The following TLR6 variants were observed in gnomAD, a reference collection of about 807,000 sequenced individuals.
TLR6 encodes toll-like receptor 6.
Under a neutral mutation model 16.1 loss-of-function variants are expected in TLR6, and 9 were observed. The ratio of observed to expected loss-of-function variants is 0.56; its 90% CI spans 0.34 to 0.98. The LOEUF is 0.98. Among genes scored for constraint, TLR6 ranks in the 50% least tolerant of loss-of-function variants. The probability of loss-of-function intolerance (pLI) is 0.02; values close to 1 mark genes in which losing one functional copy is unlikely to be tolerated. For missense variants in TLR6, 786 were observed against 921.0 expected, an observed-to-expected ratio of 0.85 and a Z score of 1.90; for synonymous variants, 340 against 338.6, an observed-to-expected ratio of 1.00 and a Z score of -0.04.
chr4:38,846,706 T>A (rs559127961), intron 1 of TLR6, among the ~76,000 whole-genome samples: 1 of 151,942 alleles, frequency 6.6e-6, no homozygotes, highest in South Asian at 2.1e-4. Context: ...AAAATCTTAA[T>A]AGAAATCTCG....
rs568101523 is a variant in TLR6, at chr4:38,845,548, C to G, written c.-65+11213G>C. 6.4e-4 allele frequency among the ~76,000 whole-genome samples: 98 copies of G among 152,342 alleles called. 2 individuals carry two copies. In the South Asian group the frequency reaches 0.019, roughly 30 times the overall value. On this transcript the variant is annotated intron_variant, in intron 1 of 1. Coordinates refer to ENST00000436693, the Ensembl canonical transcript of TLR6. ...TGATATGAGAAGAACTTGGCCCATC[C>G]TTGCTGGCCCTGAAGATAAAGGAAG...
At chr4:38,832,850 G>A (rs1442812168) in intron 1 of TLR6, among the ~76,000 whole-genome samples, 1 of 152,192 alleles carries the variant, frequency 6.6e-6, no homozygotes, top group Non-Finnish European at 1.5e-5. Flanking sequence ...GGGAGTCAAA[G>A]TGTGCATTCC....
chr4:38,828,568 C>T (rs371809071), exon 2 of TLR6: 13 of 1,613,610 alleles, frequency 8.1e-6, no homozygotes, highest in South Asian at 2.2e-5. Flanking sequence ...CTTTCAATGT[C>T]GTTTTAGAAT....
At chr4:38,854,320 A>G (rs772315278) in intron 1 of TLR6, among the ~76,000 whole-genome samples, 3 of 152,234 alleles carry the variant, frequency 2.0e-5, no homozygotes, top group Non-Finnish European at 4.4e-5. Context: ...TGGACCAGCC[A>G]TTAGATGCTA....
chr4:38,828,940 TA>T lies in TLR6; in HGVS notation c.533del (p.Leu178Ter). The T allele has an allele frequency of 6.2e-7, 1 of 1,610,440 alleles. No individual in the cohort carries two copies. Among genetic ancestry groups the T allele is most frequent in the Non-Finnish European group, 8.5e-7 (1 of 1,178,732 alleles). On this transcript the variant is annotated frameshift_variant, in exon 2 of 2. Transcript: ENST00000436693. LOFTEE classifies it low-confidence loss of function (END_TRUNC). ...CATTTTCTTTTATATAATAATTTCTTAAATCCAGAAGGATATAACTTAGATG... is the reference window on the plus strand; with the variant it reads ...CATTTTCTTTTATATAATAATTTCTTAATCCAGAAGGATATAACTTAGATG...
chr4:38,837,518 C>T (rs1711990733), intron 1 of TLR6, among the ~76,000 whole-genome samples: 1 of 152,194 alleles, frequency 6.6e-6, no homozygotes, highest in South Asian at 2.1e-4. Context: ...TTCATATTCA[C>T]TCATATGTAT....
At chr4:38,836,396 C>G (rs1385184936) in intron 1 of TLR6, among the ~76,000 whole-genome samples, 2 of 152,114 alleles carry the variant, frequency 1.3e-5, no homozygotes, top group Admixed American at 1.3e-4. Flanking sequence ...GTATAAATTT[C>G]TGGATATATA....
At chr4:38,838,995 GGGAGAGAGAGAA>G (rs1188370978) in intron 1 of TLR6, among the ~76,000 whole-genome samples, 3 of 135,108 alleles carry the variant, frequency 2.2e-5, no homozygotes, top group Middle Eastern at 4.1e-3. Context: ...GGGAGAGAGG[GGGAGAGAGAGAA>G]GGAGAGAGAG....
rs780252429 is a variant in TLR6, at chr4:38,829,448, A to G, written c.26T>C (p.Val9Ala). Residue 9 changes from valine to alanine, a missense_variant, in exon 2 of 2, where the codon GTT becomes GCT. Coordinates refer to ENST00000436693, the Ensembl canonical transcript of TLR6. Reference sequence around the variant, plus strand: ...AAGGCAAACAAAATGGAAGCTTTTAACAATAGGTTCTTTGTCTTTGGTCAT... The same window carrying G: ...AAGGCAAACAAAATGGAAGCTTTTAGCAATAGGTTCTTTGTCTTTGGTCAT... 56 of 1,612,762 alleles carry G rather than the reference A, an allele frequency of 3.5e-5. No individual in the cohort carries two copies. The highest frequency in any genetic ancestry group is 4.7e-5 in the Non-Finnish European group (56 of 1,179,586).
upstream of TLR6, among the ~76,000 whole-genome samples, chr4:38,859,062 C>A (rs565299412): frequency 6.6e-6 from 1 of 152,298 alleles, no homozygotes; most frequent in East Asian, 1.9e-4. Flanking sequence ...AGTACTGTCA[C>A]GTCATCTCCA....
chr4:38,863,409 C>A, the TLR6 span, among the ~76,000 whole-genome samples: 2 of 152,146 alleles, frequency 1.3e-5, no homozygotes, highest in African/African-American at 2.4e-5. Flanking sequence ...TCCTTCAAAC[C>A]AGGATGAAGT....
At chr4:38,833,144 G>A (rs1313581144) in intron 1 of TLR6, among the ~76,000 whole-genome samples, 2 of 152,150 alleles carry the variant, frequency 1.3e-5, no homozygotes, top group African/African-American at 4.8e-5. Flanking sequence ...TTTTCCTACT[G>A]CTACAGTTAA....
At chr4:38,859,565 CTTT>C (rs372944785), upstream of TLR6, among the ~76,000 whole-genome samples, 8 of 122,076 alleles carry the variant, frequency 6.6e-5, no homozygotes, top group African/African-American at 1.3e-4. Flanking sequence ...GATTATTGGC[CTTT>C]TTTTTTTTTT....
At chr4:38,836,783 A>G (rs1320783702) in intron 1 of TLR6, among the ~76,000 whole-genome samples, 1 of 152,046 alleles carries the variant, frequency 6.6e-6, no homozygotes, top group African/African-American at 2.4e-5. Flanking sequence ...TACTAAAAAT[A>G]CAAAAAATTA....
intron 1 of TLR6, among the ~76,000 whole-genome samples, chr4:38,845,890 G>A (rs963273518): frequency 1.1e-4 from 17 of 151,960 alleles, no homozygotes; most frequent in African/African-American, 3.9e-4. Flanking sequence ...TCAGAAGTTC[G>A]AGACCAGCCT....
chr4:38,828,691 C>A (rs1427694251), exon 2 of TLR6: 5 of 1,614,076 alleles, frequency 3.1e-6, no homozygotes, highest in South Asian at 1.1e-5. Context: ...ATTTCCAAGT[C>A]GTTTCTATGT....
intron 1 of TLR6, among the ~76,000 whole-genome samples, chr4:38,849,663 A>G (rs1429733607): frequency 6.9e-6 from 1 of 144,288 alleles, no homozygotes; most frequent in African/African-American, 2.5e-5. Context: ...AACTAACAAA[A>G]ATCAAAAGAG....
chr4:38,825,120 A>G (rs1016018852), exon 2 of TLR6: 2 of 152,198 alleles, frequency 1.3e-5, no homozygotes, highest in African/African-American at 2.4e-5. Context: ...TGAATGAACT[A>G]AGTCCAGAAA....
upstream of TLR6, among the ~76,000 whole-genome samples, chr4:38,858,377 T>G (rs1185757623): frequency 1.3e-5 from 2 of 152,144 alleles, no homozygotes; most frequent in Admixed American, 6.6e-5. Flanking sequence ...ATATAGTTTT[T>G]TTGTATGCTG....
Sources: gnomAD v4.1 joint callset for allele counts (sites outside exome capture counted in the v4.1 genomes callset) on GRCh38, gnomAD v4.1.1 for gene constraint, MANE v1.5 for transcripts, NCBI Gene and HGNC (gene_info 2026-07-23, HGNC 2026-07-21) for gene names.